GLI2: variants seen among roughly 807,000 people sequenced by gnomAD.
GLI2 encodes GLI family zinc finger 2.
Under a neutral mutation model 78.9 loss-of-function variants are expected in GLI2, and 22 were observed. The observed-to-expected ratio is 0.28, with a 90% CI of 0.20 to 0.40. The LOEUF (loss-of-function observed/expected upper bound fraction) is 0.40, where lower values mean the gene tolerates loss of function less well. GLI2 is among the 10% of genes least tolerant of loss of function. GLI2 has a pLI of 1.00. For missense variants in GLI2, 2,097 were observed against 2,213.2 expected, an observed-to-expected ratio of 0.95 and a Z score of 1.05; for synonymous variants, 974 against 963.7, an observed-to-expected ratio of 1.01 and a Z score of -0.20.
chr2:120,892,155 A>G (rs1027706703), intron 2 of GLI2, among the ~76,000 whole-genome samples: 1 of 152,172 alleles, frequency 6.6e-6, no homozygotes, highest in Non-Finnish European at 1.5e-5. Flanking sequence ...CAGCCAGGGA[A>G]GGGAAGATTT....
intron 3 of GLI2, among the ~76,000 whole-genome samples, chr2:120,950,033 T>C (rs1337869608): frequency 1.3e-5 from 2 of 152,214 alleles, no homozygotes; most frequent in African/African-American, 4.8e-5. Flanking sequence ...AGGTTAGCCC[T>C]CAAAGTGTGG....
At chr2:120,927,246 C>T in intron 2 of GLI2, 115 bp from the exon 3 acceptor site, 1 of 814,056 alleles carries the variant, frequency 1.2e-6, no homozygotes, top group Non-Finnish European at 2.2e-6. Context: ...CTGCGGAGCC[C>T]CTTGTCCTGG....
At chr2:120,835,808 A>G (rs890331570) in intron 2 of GLI2, among the ~76,000 whole-genome samples, 2 of 151,744 alleles carry the variant, frequency 1.3e-5, no homozygotes, top group African/African-American at 2.4e-5. Context: ...GTGTGTGTGT[A>G]TGTGTGTGTG....
At chr2:120,780,999 C>T (rs1398845067) in intron 1 of GLI2, among the ~76,000 whole-genome samples, 1 of 152,182 alleles carries the variant, frequency 6.6e-6, no homozygotes, top group Non-Finnish European at 1.5e-5. Context: ...GCATCCGAGC[C>T]CTGAGGCTTC....
chr2:120,757,977 A>G (rs1344894086), intron 1 of GLI2, among the ~76,000 whole-genome samples: 1 of 152,102 alleles, frequency 6.6e-6, no homozygotes, highest in African/African-American at 2.4e-5. Flanking sequence ...CGAAGCAGAG[A>G]GCTCACCTTG....
intron 1 of GLI2, among the ~76,000 whole-genome samples, chr2:120,782,780 C>T (rs1162632079): frequency 1.3e-5 from 2 of 152,200 alleles, no homozygotes; most frequent in African/African-American, 4.8e-5. Flanking sequence ...CCACCGCTGG[C>T]GCAATTTGGA....
intron 2 of GLI2, among the ~76,000 whole-genome samples, chr2:120,807,785 C>T (rs550345088): frequency 3.3e-5 from 5 of 152,310 alleles, no homozygotes; most frequent in African/African-American, 1.2e-4. Flanking sequence ...TCCCTCTGCT[C>T]ACAGCCACAC....
intron 1 of GLI2, among the ~76,000 whole-genome samples, chr2:120,739,398 G>C (rs969398674): frequency 6.6e-6 from 1 of 152,232 alleles, no homozygotes; most frequent in Non-Finnish European, 1.5e-5. Flanking sequence ...CTCACACCCA[G>C]CTGGCTTGTT....
intron 5 of GLI2, among the ~76,000 whole-genome samples, chr2:120,964,025 T>G (rs915505690): frequency 3.3e-5 from 5 of 152,100 alleles, no homozygotes; most frequent in Non-Finnish European, 4.4e-5. Flanking sequence ...TATTCGAGTG[T>G]TGGGGATGGT....
chr2:120,932,253 G>T (rs1025006145), intron 3 of GLI2, among the ~76,000 whole-genome samples: 1 of 152,074 alleles, frequency 6.6e-6, no homozygotes, highest in African/African-American at 2.4e-5. Flanking sequence ...TCTCATTTCT[G>T]TGTCAGCTGA....
intron 1 of GLI2, among the ~76,000 whole-genome samples, chr2:120,786,808 G>C (rs1373396978): frequency 6.6e-6 from 1 of 152,208 alleles, no homozygotes; most frequent in Non-Finnish European, 1.5e-5. Flanking sequence ...GAGATAGCCT[G>C]ATGCCTTCTC....
At chr2:120,811,260 A>T (rs1685225983) in intron 2 of GLI2, among the ~76,000 whole-genome samples, 2 of 152,128 alleles carry the variant, frequency 1.3e-5, no homozygotes, top group African/African-American at 4.8e-5. Context: ...CCACTGGTGG[A>T]TGGTGGGGTC....
intron 3 of GLI2, among the ~76,000 whole-genome samples, chr2:120,941,515 G>A (rs1263258041): frequency 6.6e-6 from 1 of 152,176 alleles, no homozygotes; most frequent in Non-Finnish European, 1.5e-5. Flanking sequence ...CTCCAGGGAG[G>A]CCCTGGGAGA....
intron 3 of GLI2, among the ~76,000 whole-genome samples, chr2:120,930,929 G>A (rs527330377): frequency 4.6e-5 from 7 of 152,338 alleles, no homozygotes; most frequent in South Asian, 2.1e-4. Context: ...TGGGGTGTGC[G>A]CAGAGCACTT....
intron 2 of GLI2, among the ~76,000 whole-genome samples, chr2:120,836,435 C>T (rs748496153): frequency 1.3e-5 from 2 of 152,138 alleles, no homozygotes; most frequent in Admixed American, 1.3e-4. Context: ...CCGTAGACGC[C>T]ACAATAAATG....
rs750260084 is a variant in GLI2, at chr2:120,978,563, G to A, written c.1447G>A (p.Glu483Lys). The A allele has an allele frequency of 1.2e-6, 2 of 1,613,782 alleles. No individual in the cohort carries two copies. The highest frequency in any genetic ancestry group is 1.3e-5 in the African/African-American group (1 of 74,942). The change falls in exon 10 of 14, where the codon GAG becomes AAG. Residue 483 changes from glutamate to lysine, a missense_variant. Physicochemically the swap from Glu to Lys is moderately conservative, Grantham distance 56. Coordinates refer to ENST00000361492, the MANE Select transcript of GLI2 (RefSeq NM_001374353.1). Reference protein sequence around the residue: ...LVVHMRRHTGEKPHKCTFEGC... With the variant: ...LVVHMRRHTGKKPHKCTFEGC... ...GGTGCACATGCGGCGACACACGGGC[G>A]AGAAGCCCCACAAGTGCACGGTGAG...
At chr2:120,758,035 G>A (rs988662463) in intron 1 of GLI2, among the ~76,000 whole-genome samples, 10 of 152,166 alleles carry the variant, frequency 6.6e-5, no homozygotes, top group Non-Finnish European at 2.9e-5. Context: ...GGTGTGAGTG[G>A]TCCACTGTAA....
chr2:120,986,602 C>T lies in GLI2; in HGVS notation c.2230C>T (p.Leu744Phe), dbSNP rs1435272545. The change falls in exon 13 of 14, where the codon CTC becomes TTC. Residue 744 changes from leucine to phenylalanine, a missense_variant. Leu to Phe is a conservative substitution (Grantham distance 22). Transcript: ENST00000361492. ...PHTRNTKLPPLPGSGSILENF... is the reference protein window; with the variant it reads ...PHTRNTKLPPFPGSGSILENF... Reference sequence around the variant, plus strand: ...CACGCGGAACACCAAGCTGCCTCCCCTCCCGGGAAGTGGTGAGTAAAGGCC... The same window carrying T: ...CACGCGGAACACCAAGCTGCCTCCCTTCCCGGGAAGTGGTGAGTAAAGGCC... 3 of 1,613,992 alleles carry T rather than the reference C, an allele frequency of 1.9e-6. No homozygotes were observed. The highest frequency in any genetic ancestry group is 3.3e-5 in the Admixed American group (2 of 60,022).
At chr2:120,755,921 T>C (rs1241780537) in intron 1 of GLI2, among the ~76,000 whole-genome samples, 1 of 152,224 alleles carries the variant, frequency 6.6e-6, no homozygotes, top group East Asian at 1.9e-4. Flanking sequence ...TTCTGTTCTA[T>C]TCTTTTGATC....
Sources: allele counts gnomAD v4.1 joint callset (sites outside exome capture counted in the v4.1 genomes callset), GRCh38; gene constraint gnomAD v4.1.1; transcripts MANE v1.5; gene names NCBI Gene and HGNC (gene_info 2026-07-23, HGNC 2026-07-21).